Variants in FAT3 observed in about 807,000 individuals in gnomAD.
FAT3 encodes protocadherin Fat 3.
Under a neutral mutation model 310.2 loss-of-function variants are expected in FAT3, and 95 were observed. The observed-to-expected ratio is 0.31, with a 90% CI of 0.26 to 0.36. The LOEUF (loss-of-function observed/expected upper bound fraction) is 0.36, where lower values mean the gene tolerates loss of function less well. Among genes scored for constraint, FAT3 ranks in the 10% least tolerant of loss-of-function variants. The probability of loss-of-function intolerance (pLI) is 1.00; values close to 1 mark genes in which losing one functional copy is unlikely to be tolerated. For synonymous variants in FAT3, 2,314 were observed against 2,192.9 expected (o/e 1.06, Z -1.54); for missense variants, 5,408 against 5,715.6 (o/e 0.95, Z 1.74).
At chr11:92,667,337 G>A (rs1460750555) in intron 3 of FAT3, among the ~76,000 whole-genome samples, 1 of 152,066 alleles carries the variant, frequency 6.6e-6, no homozygotes, top group Non-Finnish European at 1.5e-5. Context: ...TGAGGTAGGT[G>A]CTTCTTGCCC....
intron 1 of FAT3, among the ~76,000 whole-genome samples, chr11:92,294,768 T>C (rs1946804999): frequency 6.6e-6 from 1 of 150,554 alleles, no homozygotes; most frequent in Admixed American, 6.6e-5. Flanking sequence ...CTCTTTTTCT[T>C]TGGAAAGGTG....
intron 3 of FAT3, among the ~76,000 whole-genome samples, chr11:92,676,607 C>G (rs1943296564): frequency 6.6e-6 from 1 of 151,992 alleles, no homozygotes; most frequent in South Asian, 2.1e-4. Context: ...TTGAGTGAAT[C>G]AAAGAATGAG....
At chr11:92,548,340 C>T (rs550809494) in intron 3 of FAT3, among the ~76,000 whole-genome samples, 11 of 152,212 alleles carry the variant, frequency 7.2e-5, no homozygotes, top group Non-Finnish European at 1.3e-4. Flanking sequence ...GACAGAATAC[C>T]CTCCCTAGGG....
intron 7 of FAT3, among the ~76,000 whole-genome samples, chr11:92,781,259 T>C (rs1489958056): frequency 6.6e-6 from 1 of 151,552 alleles, no homozygotes; most frequent in Non-Finnish European, 1.5e-5. Context: ...GTTTTGTATT[T>C]TTAGTAGAGA....
chr11:92,767,953 A>G (rs1481423910), intron 6 of FAT3, among the ~76,000 whole-genome samples: 2 of 152,136 alleles, frequency 1.3e-5, no homozygotes, highest in African/African-American at 2.4e-5. Flanking sequence ...GGCCACGGCA[A>G]CCTACACACT....
At chr11:92,744,763 C>T (rs1479768682) in intron 4 of FAT3, among the ~76,000 whole-genome samples, 1 of 151,974 alleles carries the variant, frequency 6.6e-6, no homozygotes, top group Non-Finnish European at 1.5e-5. Flanking sequence ...GAAATTTTTA[C>T]AATACACTGT....
intron 2 of FAT3, among the ~76,000 whole-genome samples, chr11:92,510,872 T>C (rs76725339): frequency 0.014 from 2,079 of 152,334 alleles, 55 homozygotes; most frequent in African/African-American, 0.048. Context: ...TGGGTTTTTC[T>C]TCTCCTTCTG....
At chr11:92,366,618 A>G in intron 2 of FAT3, 1 of 531,840 alleles carries the variant, frequency 1.9e-6, no homozygotes, top group South Asian at 1.4e-5. Flanking sequence ...GGGAATAACC[A>G]GTTGACAGGT....
intron 2 of FAT3, among the ~76,000 whole-genome samples, chr11:92,386,968 C>T (rs1485167977): frequency 1.3e-5 from 2 of 152,086 alleles, no homozygotes; most frequent in African/African-American, 2.4e-5. Context: ...TTTGCTGTTG[C>T]CACCGTCTTG....
At chr11:92,784,514 C>T (rs1946837804) in intron 7 of FAT3, among the ~76,000 whole-genome samples, 2 of 152,166 alleles carry the variant, frequency 1.3e-5, no homozygotes, top group Admixed American at 1.3e-4. Context: ...CCAGACTTAG[C>T]TTAGAAGAGC....
At chr11:92,418,423 C>T (rs1229650545) in intron 2 of FAT3, among the ~76,000 whole-genome samples, 2 of 46,134 alleles carry the variant, frequency 4.3e-5, no homozygotes, top group African/African-American at 6.1e-5. Context: ...TTAAACACCC[C>T]CCCCACCCCC....
At chr11:92,555,169 A>G (rs2135451906) in intron 3 of FAT3, among the ~76,000 whole-genome samples, 1 of 152,214 alleles carries the variant, frequency 6.6e-6, no homozygotes, top group East Asian at 1.9e-4. Flanking sequence ...CTGCAAACCC[A>G]GAGAAAAATG....
chr11:92,433,968 A>T (rs1160319530), intron 2 of FAT3, among the ~76,000 whole-genome samples: 1 of 148,732 alleles, frequency 6.7e-6, no homozygotes, highest in Non-Finnish European at 1.5e-5. Flanking sequence ...GTAAGCCGAG[A>T]TTGCGCCACT....
At chr11:92,625,336 G>C (rs1215278132) in intron 3 of FAT3, among the ~76,000 whole-genome samples, 1 of 152,168 alleles carries the variant, frequency 6.6e-6, no homozygotes, top group East Asian at 1.9e-4. Flanking sequence ...GAGGAGTGGG[G>C]CTCTGAAGAA....
intron 3 of FAT3, among the ~76,000 whole-genome samples, chr11:92,586,070 T>A (rs746495706): frequency 6.6e-6 from 1 of 151,920 alleles, no homozygotes; most frequent in Non-Finnish European, 1.5e-5. Flanking sequence ...ATAGTGGAAA[T>A]GTTTTTCCCC....
intron 2 of FAT3, among the ~76,000 whole-genome samples, chr11:92,443,986 C>A (rs1010504532): frequency 9.9e-5 from 15 of 152,256 alleles, no homozygotes; most frequent in Non-Finnish European, 1.8e-4. Flanking sequence ...AACTCAGTTT[C>A]TTGGACAGTG....
At chr11:92,513,626 T>G (rs1953380765) in intron 2 of FAT3, among the ~76,000 whole-genome samples, 1 of 152,210 alleles carries the variant, frequency 6.6e-6, no homozygotes, top group African/African-American at 2.4e-5. Context: ...AATTTATAAT[T>G]ATTTCAGAAT....
chr11:92,818,611 G>T (rs1036298956), intron 13 of FAT3, among the ~76,000 whole-genome samples: 2 of 152,162 alleles, frequency 1.3e-5, no homozygotes, highest in African/African-American at 2.4e-5. Context: ...CTAGTAACTG[G>T]ATTGATCAAG....
chr11:92,536,922 T>C (rs1954277448), intron 3 of FAT3, among the ~76,000 whole-genome samples: 1 of 152,172 alleles, frequency 6.6e-6, no homozygotes, highest in Admixed American at 6.6e-5. Context: ...TCATAGCTTA[T>C]CCAGATTTTA....
Sources: allele counts gnomAD v4.1 joint callset (sites outside exome capture counted in the v4.1 genomes callset), GRCh38; gene constraint gnomAD v4.1.1; transcripts MANE v1.5; gene names NCBI Gene and HGNC (gene_info 2026-07-23, HGNC 2026-07-21).